Variants in UBAC2 observed in about 807,000 individuals in gnomAD.
The protein encoded by UBAC2 is UBA domain containing 2, also known as ubiquitin-associated domain-containing protein 2.
Under a neutral mutation model 44.0 loss-of-function variants are expected in UBAC2, and 26 were observed. That is an observed-to-expected ratio of 0.59 (90% CI 0.43 to 0.82). The LOEUF (loss-of-function observed/expected upper bound fraction) is 0.82. UBAC2 is among the 40% of genes least tolerant of loss of function. The pLI, the probability that UBAC2 is intolerant of heterozygous loss-of-function variation, is 0.00. For synonymous variants in UBAC2, 155 were observed against 154.3 expected (o/e 1.00, Z -0.04); for missense variants, 329 against 419.4 (o/e 0.78, Z 1.88).
intron 4 of UBAC2, among the ~76,000 whole-genome samples, chr13:99,264,339 A>G (rs886744820): frequency 4.5e-4 from 68 of 152,228 alleles, no homozygotes; most frequent in African/African-American, 1.6e-3. Flanking sequence ...CCTCTGGGAC[A>G]GAGAACAGGC....
At chr13:99,323,693 C>T (rs968173457) in intron 6 of UBAC2, among the ~76,000 whole-genome samples, 3 of 152,236 alleles carry the variant, frequency 2.0e-5, no homozygotes, top group African/African-American at 4.8e-5. Context: ...CTCCCTCCCT[C>T]TCTATGCTAC....
intron 4 of UBAC2, among the ~76,000 whole-genome samples, chr13:99,304,830 T>G (rs1285490253): frequency 6.6e-6 from 1 of 152,204 alleles, no homozygotes; most frequent in African/African-American, 2.4e-5. Flanking sequence ...TTCAGTACAA[T>G]ACATTTTATC....
chr13:99,361,208 ATAAG>A (rs999278137), intron 7 of UBAC2, among the ~76,000 whole-genome samples: 4 of 152,236 alleles, frequency 2.6e-5, no homozygotes, highest in South Asian at 2.1e-4. Context: ...CAAACTAATA[ATAAG>A]TATTTCATAA....
chr13:99,282,734 A>G (rs1450476672), intron 4 of UBAC2, among the ~76,000 whole-genome samples: 1 of 152,204 alleles, frequency 6.6e-6, no homozygotes, highest in Non-Finnish European at 1.5e-5. Flanking sequence ...ATCACTGGAA[A>G]GTTGCACCTT....
At chr13:99,335,461 CT>C (rs917328311) in intron 6 of UBAC2, among the ~76,000 whole-genome samples, 9 of 152,058 alleles carry the variant, frequency 5.9e-5, no homozygotes, top group East Asian at 5.8e-4. Flanking sequence ...TGCCTACCCC[CT>C]ACCCTGTCCC....
At chr13:99,302,274 G>C (rs2044267521) in intron 4 of UBAC2, among the ~76,000 whole-genome samples, 1 of 152,222 alleles carries the variant, frequency 6.6e-6, no homozygotes, top group Admixed American at 6.5e-5. Context: ...TAAGACTGAG[G>C]AAAAATTTCT....
intron 4 of UBAC2, among the ~76,000 whole-genome samples, chr13:99,277,502 G>C (rs1404020614): frequency 6.6e-6 from 1 of 152,126 alleles, no homozygotes; most frequent in African/African-American, 2.4e-5. Flanking sequence ...TCCAGCCTGG[G>C]CAACAAGAGG....
intron 1 of UBAC2, among the ~76,000 whole-genome samples, chr13:99,224,928 G>A (rs1281263982): frequency 6.6e-6 from 1 of 152,158 alleles, no homozygotes; most frequent in Non-Finnish European, 1.5e-5. Context: ...TACTTATCCT[G>A]TGATGTGCAA....
intron 1 of UBAC2, among the ~76,000 whole-genome samples, chr13:99,223,348 T>C (rs1431355918): frequency 6.6e-6 from 1 of 152,120 alleles, no homozygotes; most frequent in Non-Finnish European, 1.5e-5. Flanking sequence ...TACTGATAAT[T>C]GTGTCTTCTC....
At chr13:99,364,388 C>T (rs1159523292) in intron 7 of UBAC2, among the ~76,000 whole-genome samples, 1 of 149,294 alleles carries the variant, frequency 6.7e-6, no homozygotes, top group African/African-American at 2.5e-5. Flanking sequence ...ATTTTGAAAA[C>T]ATTGTTGGAT....
At chr13:99,239,904 T>C (rs1347031467) in intron 2 of UBAC2, among the ~76,000 whole-genome samples, 3 of 152,116 alleles carry the variant, frequency 2.0e-5, no homozygotes, top group South Asian at 2.1e-4. Context: ...GGGACCAGTA[T>C]TGGGGGCCTA....
chr13:99,295,783 A>G lies in UBAC2; in HGVS notation c.390-18314A>G. 6.2e-7 allele frequency: 1 copy of G among 1,613,956 alleles called. No individual in the cohort carries two copies. The highest frequency in any genetic ancestry group is 8.5e-7 in the Non-Finnish European group (1 of 1,179,820). ...AGCGGTCAATACTCAGGCAGGTCATAAAGTTCACACCTGCATATGTGTTGA... is the reference window on the plus strand; with the variant it reads ...AGCGGTCAATACTCAGGCAGGTCATGAAGTTCACACCTGCATATGTGTTGA... On this transcript the variant is annotated intron_variant, in intron 4 of 8. Transcript: ENST00000403766. The surrounding 1 kb of genome is among the most constrained non-coding windows in gnomAD (Gnocchi z 4.1).
chr13:99,333,303 G>A (rs1156328655), intron 6 of UBAC2, among the ~76,000 whole-genome samples: 1 of 152,212 alleles, frequency 6.6e-6, no homozygotes, highest in African/African-American at 2.4e-5. Flanking sequence ...AAAACATTGT[G>A]CAGTAGCACT....
intron 8 of UBAC2, among the ~76,000 whole-genome samples, chr13:99,369,239 A>G (rs2045373825): frequency 6.6e-6 from 1 of 152,232 alleles, no homozygotes; most frequent in Admixed American, 6.5e-5. Flanking sequence ...GGCTATTTAT[A>G]TATAGATGGT....
chr13:99,385,591 G>C lies in UBAC2; in HGVS notation c.*256G>C, dbSNP rs763856755. ...TCCCTAGGTTGGAGAGTCAGCACTC[G>C]TTTTGAATGTGTTTAAAATGCATTA... On this transcript the variant is annotated 3_prime_UTR_variant, in exon 9 of 9. Transcript: ENST00000403766. 2 of 460,350 alleles carry C rather than the reference G, an allele frequency of 4.3e-6. No homozygotes were observed. Among genetic ancestry groups the C allele is most frequent in the Non-Finnish European group, 7.9e-6 (2 of 253,226 alleles). 28.5% of individuals were successfully genotyped at this position (460,350 alleles called of 1,614,324 possible).
intron 6 of UBAC2, among the ~76,000 whole-genome samples, chr13:99,320,560 A>G (rs1029941755): frequency 3.3e-5 from 5 of 152,162 alleles, no homozygotes; most frequent in Non-Finnish European, 7.4e-5. Context: ...CTTGTTCTTT[A>G]TTACTATTTT....
chr13:99,256,655 TAAG>T (rs1290871004), intron 4 of UBAC2: 2 of 149,112 alleles, frequency 1.3e-5, no homozygotes, highest in African/African-American at 2.5e-5. Flanking sequence ...TAGATATTAA[TAAG>T]AAGTCATTCA....
At position 99,244,495 on chromosome 13, in the gene UBAC2, TC is replaced by T. The variant is rs1379383808; in HGVS notation, c.280-19del. 2 of 1,546,720 alleles carry T rather than the reference TC, an allele frequency of 1.3e-6. No homozygotes were observed. The highest frequency in any genetic ancestry group is 2.7e-5 in the African/African-American group (2 of 73,370). ...TTAGGAGACTCATCTCTATCATTTT[TC>T]TGCTGTTTTATTTTGTAGTCCTTTT... On this transcript the variant is annotated intron_variant, in intron 3 of 8. Coordinates refer to ENST00000403766, the MANE Select transcript of UBAC2 (RefSeq NM_001144072.2).
chr13:99,329,168 A>G (rs1276900765), intron 6 of UBAC2, among the ~76,000 whole-genome samples: 1 of 152,186 alleles, frequency 6.6e-6, no homozygotes, highest in Non-Finnish European at 1.5e-5. Context: ...CCTTACGCCA[A>G]TACCACACTG....
Sources: gnomAD v4.1 joint callset for allele counts (sites outside exome capture counted in the v4.1 genomes callset) on GRCh38, gnomAD v4.1.1 for gene constraint, Gnocchi (gnomAD v3.1) non-coding constraint, MANE v1.5 for transcripts, NCBI Gene and HGNC (gene_info 2026-07-23, HGNC 2026-07-21) for gene names.